DRC4: variants seen among roughly 807,000 people sequenced by gnomAD.
DRC4 encodes dynein regulatory complex subunit 4.
At chr16:90,043,491 G>C in the DRC4 span, 13 of 867,072 alleles carry the variant, frequency 1.5e-5, no homozygotes, top group Non-Finnish European at 2.2e-5. Flanking sequence ...CCTCTTTCCT[G>C]GCTCTGTGGA....
the DRC4 span, chr16:90,031,298 G>A: frequency 1.2e-6 from 2 of 1,612,190 alleles, no homozygotes; most frequent in Non-Finnish European, 1.7e-6. Flanking sequence ...CACCTGGCCA[G>A]GTGGAGGAGC....
chr16:90,027,917 A>G, the DRC4 span: 1 of 585,354 alleles, frequency 1.7e-6, no homozygotes, highest in Non-Finnish European at 3.1e-6. Flanking sequence ...AAGGTAGTGC[A>G]GCCTGTGAAA....
At chr16:90,042,560 CA>C in the DRC4 span, 2 of 1,598,468 alleles carry the variant, frequency 1.3e-6, no homozygotes, top group East Asian at 4.5e-5. Flanking sequence ...TGCCCTCCCT[CA>C]GGGGCACCCC....
chr16:90,020,652 C>T, the DRC4 span, among the ~76,000 whole-genome samples: 1 of 152,186 alleles, frequency 6.6e-6, no homozygotes, highest in Admixed American at 6.5e-5. Flanking sequence ...CGCAGTGGGC[C>T]CTGTCGGGAT....
At chr16:90,038,580 T>C in the DRC4 span, among the ~76,000 whole-genome samples, 1 of 152,212 alleles carries the variant, frequency 6.6e-6, no homozygotes, top group South Asian at 2.1e-4. Flanking sequence ...AGCAGTGGGA[T>C]TGTTGAGTCT....
chr16:90,023,351 G>A, the DRC4 span, among the ~76,000 whole-genome samples: 1 of 152,188 alleles, frequency 6.6e-6, no homozygotes, highest in African/African-American at 2.4e-5. Context: ...GGCGGAGCTC[G>A]TGGCCTCATC....
chr16:90,027,538 C>T, the DRC4 span: 5 of 1,234,276 alleles, frequency 4.1e-6, no homozygotes, highest in South Asian at 2.5e-5. Context: ...GAGAGAGGTT[C>T]CAGAACCTTC....
At chr16:90,043,735 T>G in the DRC4 span, 1 of 479,958 alleles carries the variant, frequency 2.1e-6, no homozygotes, top group South Asian at 1.5e-5. Flanking sequence ...GTGCTGGCAC[T>G]AACTTCATTG....
the DRC4 span, among the ~76,000 whole-genome samples, chr16:90,030,851 C>T: frequency 1.3e-5 from 2 of 152,228 alleles, no homozygotes; most frequent in South Asian, 2.1e-4. Flanking sequence ...CTCCTGGGCG[C>T]GAGGGATCCT....
the DRC4 span, among the ~76,000 whole-genome samples, chr16:90,030,507 ATTTT>A: frequency 1.7e-5 from 2 of 118,970 alleles, no homozygotes; most frequent in Admixed American, 8.5e-5. Flanking sequence ...CTCCTGGCTA[ATTTT>A]TTTTTTTTTT....
At chr16:90,037,865 T>C in the DRC4 span, 7 of 1,610,118 alleles carry the variant, frequency 4.3e-6, no homozygotes, top group East Asian at 1.1e-4. Context: ...GGCACCACGC[T>C]GGCCCTGCAG....
chr16:90,028,211 G>A, the DRC4 span, among the ~76,000 whole-genome samples: 1 of 87,150 alleles, frequency 1.1e-5, no homozygotes, highest in Non-Finnish European at 2.0e-5. Context: ...TTGAGACGGA[G>A]TCTCACTCTG....
chr16:90,032,867 G>C, the DRC4 span: 1 of 1,613,962 alleles, frequency 6.2e-7, no homozygotes. Flanking sequence ...GGGCACTGAA[G>C]GTGGAGCTCA....
the DRC4 span, chr16:90,031,419 G>C: frequency 5.0e-6 from 8 of 1,613,266 alleles, no homozygotes; most frequent in Non-Finnish European, 5.9e-6. Context: ...GAGGCAGCTG[G>C]AGGAGAAGAA....
At chr16:90,029,088 C>T in the DRC4 span, 28 of 1,239,042 alleles carry the variant, frequency 2.3e-5, no homozygotes, top group African/African-American at 1.9e-4. Flanking sequence ...TCTCCCTGTC[C>T]GCTTCCCATT....
At chr16:90,034,775 G>A in the DRC4 span, among the ~76,000 whole-genome samples, 1 of 151,452 alleles carries the variant, frequency 6.6e-6, no homozygotes, top group Non-Finnish European at 1.5e-5. Flanking sequence ...CCGGGCTGCA[G>A]TGCAATGGTA....
At chr16:90,042,787 G>T in the DRC4 span, 3 of 539,580 alleles carry the variant, frequency 5.6e-6, no homozygotes, top group Admixed American at 9.4e-5. Context: ...ACGCTTCCCT[G>T]GTCAGCCCCT....
chr16:90,026,416 C>G, the DRC4 span, among the ~76,000 whole-genome samples: 1 of 152,148 alleles, frequency 6.6e-6, no homozygotes, highest in Non-Finnish European at 1.5e-5. Flanking sequence ...GCTGTCTGCC[C>G]AAGCTTTCTT....
the DRC4 span, among the ~76,000 whole-genome samples, chr16:90,024,436 A>T: frequency 6.6e-6 from 1 of 152,208 alleles, no homozygotes; most frequent in South Asian, 2.1e-4. Context: ...CATGCTTCAG[A>T]TGTGAGAAAT....
Sources: gnomAD v4.1 joint callset for allele counts (sites outside exome capture counted in the v4.1 genomes callset) on GRCh38, gnomAD v4.1.1 for gene constraint, MANE v1.5 for transcripts, NCBI Gene and HGNC (gene_info 2026-07-23, HGNC 2026-07-21) for gene names.